The following MYH11 variants were observed in gnomAD, a reference collection of about 807,000 sequenced individuals.
MYH11 encodes myosin heavy chain 11.
MYH11 carries 80 observed loss-of-function variants against 246.6 expected under a neutral mutation model. The ratio of observed to expected loss-of-function variants is 0.32; its 90% CI spans 0.27 to 0.39. The LOEUF is 0.39. Ranked by LOEUF, MYH11 falls within the 10% of genes least tolerant of loss-of-function variation. The pLI is 1.00. For missense variants in MYH11, 2,158 were observed against 2,546.8 expected, an observed-to-expected ratio of 0.85 and a Z score of 3.29; for synonymous variants, 1,071 against 1,015.5, an observed-to-expected ratio of 1.05 and a Z score of -1.04.
At chr16:15,801,557 A>C (rs1190359635) in intron 3 of MYH11, among the ~76,000 whole-genome samples, 1 of 151,998 alleles carries the variant, frequency 6.6e-6, no homozygotes, top group Non-Finnish European at 1.5e-5. Flanking sequence ...GCTACTTGGG[A>C]GGCTGAGACA....
rs756132594 is a variant in MYH11 at position 15,760,659 on chromosome 16, C to A, written c.1130-1G>T. On this transcript the variant is annotated splice_acceptor_variant, in intron 10 of 40. Coordinates refer to ENST00000300036, the MANE Select transcript of MYH11 (RefSeq NM_002474.3). LOFTEE classifies it high-confidence loss of function. ...ATGAGGTGGCAAACTTTCTGAGCAG[C>A]TGGATGGAGAAAAGAAACATCGTGA... 6.3e-7 allele frequency: 1 copy of A among 1,590,952 alleles called. No individual in the cohort carries two copies. Among genetic ancestry groups the A allele is most frequent in the Non-Finnish European group, 8.6e-7 (1 of 1,158,900 alleles).
chr16:15,742,184 CAG>C, intron 20 of MYH11: 1 of 512,084 alleles, frequency 2.0e-6, no homozygotes. Flanking sequence ...AGCTCTAAAT[CAG>C]AGCACCAGAA....
At chr16:15,710,427 A>G (rs146931376) in intron 40 of MYH11, among the ~76,000 whole-genome samples, 5,238 of 152,256 alleles carry the variant, frequency 0.034, 306 homozygotes, top group African/African-American at 0.12. Context: ...AGGCTGAGGC[A>G]GGAGAATCGC....
intron 38 of MYH11, among the ~76,000 whole-genome samples, chr16:15,716,252 G>A (rs940620411): frequency 3.9e-5 from 6 of 152,034 alleles, no homozygotes; most frequent in East Asian, 3.9e-4. Context: ...TGTTTGAGCC[G>A]ATGAAAATGT....
intron 40 of MYH11, among the ~76,000 whole-genome samples, chr16:15,704,528 T>C (rs1382813977): frequency 1.3e-5 from 2 of 152,228 alleles, no homozygotes; most frequent in African/African-American, 2.4e-5. Flanking sequence ...TCATAGCCCA[T>C]GGGGCAGAGT....
At chr16:15,816,160 A>C (rs545422548) in intron 3 of MYH11, among the ~76,000 whole-genome samples, 1 of 152,322 alleles carries the variant, frequency 6.6e-6, no homozygotes, top group Admixed American at 6.5e-5. Context: ...GAAGACATGA[A>C]AACTGGGAAA....
At position 15,817,932 on chromosome 16, in the gene MYH11, G is replaced by A. The variant is rs148830510; in HGVS notation, c.502+5323C>T. 5.9e-3 allele frequency among the ~76,000 whole-genome samples: 899 copies of A among 152,258 alleles called. 14 individuals are homozygous for A. The highest frequency in any genetic ancestry group is 0.018 in the African/African-American group (735 of 41,538). ...ACCCACCCCATCCATCCTGACCCTGGTAGGTTCTTTTCTATAAATAACTCT... is the reference window on the plus strand; with the variant it reads ...ACCCACCCCATCCATCCTGACCCTGATAGGTTCTTTTCTATAAATAACTCT... On this transcript the variant is annotated intron_variant, in intron 3 of 40. Coordinates refer to ENST00000300036, the MANE Select transcript of MYH11 (RefSeq NM_002474.3).
At position 15,820,159 on chromosome 16, in the gene MYH11, A is replaced by G. The variant is rs1025528630; in HGVS notation, c.502+3096T>C. Among the ~76,000 whole-genome samples, 4 of 152,288 alleles carry G rather than the reference A, an allele frequency of 2.6e-5. No homozygotes were observed. The South Asian group carries it at 8.3e-4, about 32-fold the overall frequency. On this transcript the variant is annotated intron_variant, in intron 3 of 40. Transcript: ENST00000300036. ...GGAGTTCAAGACCAGTCTGACCAAC[A>G]TGGTAAAGCCCCATCTCTACTAAAA...
At chr16:15,801,094 T>A (rs1271661639) in intron 3 of MYH11, among the ~76,000 whole-genome samples, 1 of 151,980 alleles carries the variant, frequency 6.6e-6, no homozygotes, top group African/African-American at 2.4e-5. Context: ...TAATCCCAGC[T>A]ACTCAGAAGG....
chr16:15,780,576 G>A lies in MYH11; in HGVS notation c.727-1733C>T, dbSNP rs145636961. Among the ~76,000 whole-genome samples the A allele has an allele frequency of 1.1e-4, 14 of 128,036 alleles. No homozygotes were observed. In the East Asian group the frequency reaches 3.5e-3, roughly 32 times the overall value. 84.0% of individuals were successfully genotyped at this position (128,036 alleles called of 152,430 possible). ...GGCTCACTGCAACCTCCATCTCCCC[G>A]GGTTCAAGGAATTCTCCCACCTCAG... is the stretch of plus-strand genomic sequence containing the variant. On this transcript the variant is annotated intron_variant, in intron 6 of 40. Coordinates refer to ENST00000300036, the MANE Select transcript of MYH11 (RefSeq NM_002474.3).
intron 38 of MYH11, among the ~76,000 whole-genome samples, chr16:15,716,371 A>G (rs1255448558): frequency 2.0e-5 from 3 of 152,192 alleles, no homozygotes; most frequent in African/African-American, 7.2e-5. Flanking sequence ...TTACTGAAAA[A>G]GCTACTAGAA....
intron 27 of MYH11, among the ~76,000 whole-genome samples, chr16:15,730,060 T>G (rs2040914407): frequency 6.6e-6 from 1 of 152,044 alleles, no homozygotes; most frequent in Non-Finnish European, 1.5e-5. Flanking sequence ...TTTAAAAGTG[T>G]CTGGCAGCTC....
rs896541346 is a variant in MYH11, at chr16:15,714,550, C to CG, written c.5786+358dup. ...GCATGTCAGGAAGGAGGTGAAGTGG[C>CG]GGGGGGTGGTGTTGCAGCTTCAATG... On this transcript the variant is annotated intron_variant, in intron 40 of 40. Transcript: ENST00000300036. The CG allele has an allele frequency of 5.2e-5, 21 of 406,668 alleles. No homozygotes were observed. In the Admixed American group the frequency reaches 7.7e-4, roughly 15 times the overall value. The allele number at this position is 406,668 out of a possible 1,614,324, so 25.2% of individuals were successfully genotyped here.
chr16:15,759,075 T>C (rs371822912), intron 12 of MYH11, among the ~76,000 whole-genome samples: 1 of 152,256 alleles, frequency 6.6e-6, no homozygotes, highest in East Asian at 1.9e-4. Context: ...CATGAGGTAT[T>C]GCAAGCTCCT....
chr16:15,743,396 T>C (rs2041330030), intron 20 of MYH11, among the ~76,000 whole-genome samples: 1 of 152,204 alleles, frequency 6.6e-6, no homozygotes, highest in South Asian at 2.1e-4. Context: ...TTCGAACTCG[T>C]GAACCCAGGT....
At chr16:15,733,246 T>G (rs2041018151) in intron 26 of MYH11, among the ~76,000 whole-genome samples, 2 of 152,152 alleles carry the variant, frequency 1.3e-5, no homozygotes, top group South Asian at 2.1e-4. Context: ...TGTTTGTTTG[T>G]TTTTGAGATG....
intron 4 of MYH11, among the ~76,000 whole-genome samples, chr16:15,789,300 G>T (rs1362779984): frequency 6.6e-6 from 1 of 152,180 alleles, no homozygotes; most frequent in Non-Finnish European, 1.5e-5. Context: ...AGGGGAAGGG[G>T]AATTGATATT....
intron 12 of MYH11, among the ~76,000 whole-genome samples, chr16:15,758,641 CAAAAA>C (rs35340074): frequency 8.0e-6 from 1 of 125,688 alleles, no homozygotes; most frequent in African/African-American, 2.9e-5. Flanking sequence ...CTGTCTCTAC[CAAAAA>C]AAAAAAAAAA....
intron 9 of MYH11, among the ~76,000 whole-genome samples, chr16:15,770,218 C>T (rs986539035): frequency 6.6e-6 from 1 of 152,200 alleles, no homozygotes; most frequent in South Asian, 2.1e-4. Flanking sequence ...ATACACCATC[C>T]ATTTGTCAAC....
Sources: allele counts gnomAD v4.1 joint callset (sites outside exome capture counted in the v4.1 genomes callset), GRCh38; gene constraint gnomAD v4.1.1; transcripts MANE v1.5; gene names NCBI Gene and HGNC (gene_info 2026-07-23, HGNC 2026-07-21).